Variants in USPL1 observed in about 807,000 individuals in gnomAD.
USPL1 encodes SUMO-specific isopeptidase USPL1.
Under a neutral mutation model 51.5 loss-of-function variants are expected in USPL1, and 27 were observed. The ratio of observed to expected loss-of-function variants is 0.52; its 90% confidence interval spans 0.39 to 0.72. The LOEUF is 0.72. USPL1 is among the 30% of genes least tolerant of loss of function. The pLI is 0.00. For missense variants in USPL1, 1,226 were observed against 1,268.0 expected, an observed-to-expected ratio of 0.97 and a Z score of 0.50; for synonymous variants, 451 against 459.6, an observed-to-expected ratio of 0.98 and a Z score of 0.24.
At chr13:30,651,559 G>T (rs1352791474) in intron 7 of USPL1, among the ~76,000 whole-genome samples, 1 of 152,222 alleles carries the variant, frequency 6.6e-6, no homozygotes, top group Non-Finnish European at 1.5e-5. Flanking sequence ...TTATGTAAAG[G>T]CAGGAAACTA....
Position 30,659,466 on chromosome 13 carries a change from CCATGA to C in USPL1, c.*111_*115del. The C allele has an allele frequency of 9.8e-7, 1 of 1,015,378 alleles. No homozygotes were observed. The highest frequency in any genetic ancestry group is 1.4e-6 in the Non-Finnish European group (1 of 728,866). The allele number at this position is 1,015,378 out of a possible 1,614,324, so 62.9% of individuals were successfully genotyped here. A position where few individuals can be genotyped will look rare whatever the true frequency, so the allele number is the denominator to read the frequency against. Reference sequence around the variant, plus strand: ...ACTTGTGTAATTACTTGTGTAATAACCATGAACAAAATGCAAGGTTTAACCTTTGG... The same window carrying C: ...ACTTGTGTAATTACTTGTGTAATAACACAAAATGCAAGGTTTAACCTTTGG... On this transcript the variant is annotated 3_prime_UTR_variant, in exon 9 of 9. Coordinates refer to ENST00000255304, the MANE Select transcript of USPL1 (RefSeq NM_005800.5).
chr13:30,650,218 A>G (rs1258925694), intron 7 of USPL1, among the ~76,000 whole-genome samples: 1 of 152,198 alleles, frequency 6.6e-6, no homozygotes, highest in Non-Finnish European at 1.5e-5. Flanking sequence ...GGGGAAGGAT[A>G]TTATTTGATT....
Position 30,658,182 on chromosome 13 carries a change from T to G in USPL1, c.2105T>G (p.Leu702Ter), listed in dbSNP as rs2137731908. ...GTAGAAATTGAGAAGGACGCTCAGT[T>G]AAAACAATTCCTTACACCAAAAACT... ...KSVEIEKDAQLKQFLTPKTEQ... is the reference protein window; with the variant it reads ...KSVEIEKDAQ The change falls in exon 9 of 9, where the codon TTA (leucine) becomes TGA (stop). Residue 702 changes from leucine to a stop codon, truncating the protein, a stop_gained. Transcript: ENST00000255304. LOFTEE classifies it low-confidence loss of function (END_TRUNC). The G allele has an allele frequency of 6.2e-7, 1 of 1,613,046 alleles. No homozygotes were observed. The highest frequency in any genetic ancestry group is 1.1e-5 in the South Asian group (1 of 90,656).
At chr13:30,633,300 T>C (rs2137643496) in intron 4 of USPL1, among the ~76,000 whole-genome samples, 1 of 152,330 alleles carries the variant, frequency 6.6e-6, no homozygotes, top group Middle Eastern at 3.4e-3. Flanking sequence ...CATAGGTATG[T>C]AGTTATAGGA....
chr13:30,650,574 CAAAAA>C (rs34074092), intron 7 of USPL1, among the ~76,000 whole-genome samples: 1 of 123,204 alleles, frequency 8.1e-6, no homozygotes, highest in Non-Finnish European at 1.8e-5. Flanking sequence ...GAGACTGTCT[CAAAAA>C]AAAAAAAAAA....
intron 6 of USPL1, among the ~76,000 whole-genome samples, chr13:30,643,250 C>G (rs993135559): frequency 6.6e-6 from 1 of 152,140 alleles, no homozygotes; most frequent in Non-Finnish European, 1.5e-5. Flanking sequence ...CTCTCAGCAG[C>G]GTATTAGAAA....
At chr13:30,646,355 GT>G (rs369910911) in intron 6 of USPL1, among the ~76,000 whole-genome samples, 15,561 of 144,528 alleles carry the variant, frequency 0.11, 774 homozygotes, top group Middle Eastern at 0.14. Context: ...GTGTGTGTGT[GT>G]TTTTTTTTTA....
intron 3 of USPL1, among the ~76,000 whole-genome samples, chr13:30,629,556 CA>C (rs1243798079): frequency 6.6e-6 from 1 of 152,194 alleles, no homozygotes; most frequent in Non-Finnish European, 1.5e-5. Context: ...AATTCTTACA[CA>C]TCACACCATG....
intron 1 of USPL1, among the ~76,000 whole-genome samples, chr13:30,619,745 G>GT (rs1950624366): frequency 6.6e-6 from 1 of 152,180 alleles, no homozygotes; most frequent in Admixed American, 6.5e-5. Flanking sequence ...AAAAGCGTAA[G>GT]TTTGACTCCT....
At chr13:30,622,860 C>T (rs1429647703) in intron 3 of USPL1, among the ~76,000 whole-genome samples, 2 of 152,092 alleles carry the variant, frequency 1.3e-5, no homozygotes, top group Non-Finnish European at 2.9e-5. Context: ...TAATCCCAGG[C>T]GTGTCTACAA....
At chr13:30,637,579 G>T (rs1464923346) in intron 4 of USPL1, among the ~76,000 whole-genome samples, 165 bp from the exon 5 acceptor site, 1 of 152,098 alleles carries the variant, frequency 6.6e-6, no homozygotes, top group Admixed American at 6.6e-5. Context: ...TATATTAAGG[G>T]AATATATGGT....
chr13:30,659,240 A>T lies in USPL1; in HGVS notation c.3163A>T (p.Ser1055Cys), dbSNP rs146751863. The T allele has an allele frequency of 3.8e-3, 6,148 of 1,614,152 alleles. 18 individuals are homozygous for T. The highest frequency in any genetic ancestry group is 4.7e-3 in the Non-Finnish European group (5,571 of 1,180,022). ...CTGCGTTAGAACATTAAACTTGGAG[A>T]GTCCGATGAAGACTGATATTTTCGA... ...NACVRTLNLE[S>C]PMKTDIFDEF... is the part of the protein sequence containing the mutation. Residue 1055 changes from serine (S) to cysteine (C), a missense_variant, in exon 9 of 9, where the codon AGT (serine) becomes TGT (cysteine). Physicochemically the swap from Ser to Cys is moderately radical, Grantham distance 112. Coordinates refer to ENST00000255304, the MANE Select transcript of USPL1 (RefSeq NM_005800.5).
rs1951243799 is a variant in USPL1 at position 30,660,422 on chromosome 13, T to TGCACCC, written c.*1073_*1078dup. 1 of 152,286 alleles carries TGCACCC rather than the reference T, an allele frequency of 6.6e-6. No homozygotes were observed. The highest frequency in any genetic ancestry group is 1.5e-5 in the Non-Finnish European group (1 of 68,054). 9.4% of individuals were successfully genotyped at this position (152,286 alleles called of 1,614,324 possible). ...CCAAAAGTGCAGGGATGCCTGAGTC[T>TGCACCC]GCACCCGCACCCAGGAGGGTGGAGA... On this transcript the variant is annotated 3_prime_UTR_variant, in exon 9 of 9. Coordinates refer to ENST00000255304, the MANE Select transcript of USPL1 (RefSeq NM_005800.5).
rs752571198 is a variant in USPL1 at position 30,657,526 on chromosome 13, G to A, written c.1449G>A (p.Lys483=). The A allele has an allele frequency of 1.2e-6, 2 of 1,612,504 alleles. No individual in the cohort carries two copies. Among genetic ancestry groups the A allele is most frequent in the Non-Finnish European group, 1.7e-6 (2 of 1,179,534 alleles). The stretch of plus-strand genomic sequence containing the variant: ...AAGGCCCATGTTCTGAAAGGCACAA[G>A]AAATTTGAAGTTCCTGCTTCAGAGA... ...DLKGPCSERH[K]KFEVPASEIH... Residue 483 remains lysine, a synonymous_variant, in exon 9 of 9, where the codon AAG becomes AAA. Coordinates refer to ENST00000255304, the MANE Select transcript of USPL1 (RefSeq NM_005800.5).
chr13:30,622,989 A>G (rs943084479), intron 3 of USPL1, among the ~76,000 whole-genome samples: 1 of 152,146 alleles, frequency 6.6e-6, no homozygotes, highest in African/African-American at 2.4e-5. Flanking sequence ...CCCTTAAGGA[A>G]GTTATGTCAT....
At chr13:30,632,406 ATTTTTTT>A (rs60539080) in intron 4 of USPL1, among the ~76,000 whole-genome samples, 101 of 83,670 alleles carry the variant, frequency 1.2e-3, no homozygotes, top group Non-Finnish European at 2.0e-3. Context: ...TGCTATTGTG[ATTTTTTT>A]TTTTTTTTTT....
intron 3 of USPL1, among the ~76,000 whole-genome samples, chr13:30,630,597 G>C (rs1950788315): frequency 6.6e-6 from 1 of 152,010 alleles, no homozygotes; most frequent in South Asian, 2.1e-4. Flanking sequence ...TTACCCTTTT[G>C]TAACTCAGAT....
intron 7 of USPL1, among the ~76,000 whole-genome samples, chr13:30,647,679 A>T (rs1038258268): frequency 3.3e-5 from 5 of 152,134 alleles, no homozygotes; most frequent in Non-Finnish European, 7.3e-5. Flanking sequence ...GCACTCACAC[A>T]TGTACACAAC....
rs1218980127 is a variant in USPL1, at chr13:30,653,133, T to G, written c.1239-15T>G. The G allele has an allele frequency of 6.4e-7, 1 of 1,554,240 alleles. No individual in the cohort carries two copies. Among genetic ancestry groups the G allele is most frequent in the East Asian group, 2.3e-5 (1 of 43,306 alleles). On this transcript the variant is annotated splice_polypyrimidine_tract_variant and intron_variant, in intron 7 of 8. Coordinates refer to ENST00000255304, the MANE Select transcript of USPL1 (RefSeq NM_005800.5). ...ATTAAATTTATTTAACTTCTCTTGC[T>G]TTTCTCTCCCACAGAGTATCTCCCA...
Sources: allele counts gnomAD v4.1 joint callset (sites outside exome capture counted in the v4.1 genomes callset), GRCh38; gene constraint gnomAD v4.1.1; transcripts MANE v1.5; gene names NCBI Gene and HGNC (gene_info 2026-07-23, HGNC 2026-07-21).